Variants in ABCA3 observed in about 807,000 individuals in gnomAD.
ABCA3 encodes the protein phospholipid-transporting ATPase ABCA3.
Under a neutral mutation model 172.8 loss-of-function variants are expected in ABCA3, and 88 were observed. The ratio of observed to expected loss-of-function variants is 0.51; its 90% CI spans 0.43 to 0.61. The LOEUF (loss-of-function observed/expected upper bound fraction) is 0.61. Ranked by LOEUF, ABCA3 falls within the 20% of genes least tolerant of loss-of-function variation. ABCA3 has a pLI of 0.00. For synonymous variants in ABCA3, 1,066 were observed against 983.8 expected, an observed-to-expected ratio of 1.08 and a Z score of -1.56; for missense variants, 2,164 against 2,301.0, an observed-to-expected ratio of 0.94 and a Z score of 1.22.
chr16:2,293,246 T>C (rs1333522640), intron 18 of ABCA3, among the ~76,000 whole-genome samples: 1 of 151,334 alleles, frequency 6.6e-6, no homozygotes, highest in African/African-American at 2.4e-5. Context: ...AGAGATGGGG[T>C]TTCACCGTGT....
Position 2,278,174 on chromosome 16 carries a change from G to A in ABCA3, c.4719-105C>T. On this transcript the variant is annotated intron_variant, in intron 30 of 32. Coordinates refer to ENST00000301732, the MANE Select transcript of ABCA3 (RefSeq NM_001089.3). This position sits in a 1 kb window ranked among gnomAD's most constrained non-coding sequence, Gnocchi z 4.4. ...AGGCTGTTCCTGATACCCATGCTCA[G>A]TGTGGCTCACGGGCAGACTCTGCAC... The A allele has an allele frequency of 5.0e-6, 8 of 1,596,752 alleles. No homozygotes were observed. Among genetic ancestry groups the A allele is most frequent in the Non-Finnish European group, 6.8e-6 (8 of 1,173,460 alleles).
intron 10 of ABCA3, among the ~76,000 whole-genome samples, chr16:2,308,903 C>T (rs150374589): frequency 1.3e-5 from 2 of 152,326 alleles, no homozygotes; most frequent in Non-Finnish European, 2.9e-5. Context: ...TGACACTGCA[C>T]ACCTCACGTG....
At chr16:2,334,258 G>A (rs910592546) in intron 1 of ABCA3, among the ~76,000 whole-genome samples, 2 of 152,164 alleles carry the variant, frequency 1.3e-5, no homozygotes, top group South Asian at 2.1e-4. Context: ...GGGGAGCAGC[G>A]AGTCATTCCG....
At position 2,331,722 on chromosome 16, in the gene ABCA3, C is replaced by T. The variant is rs561393880; in HGVS notation, c.-538-1868G>A. ...GTTCCTTCTGCACTTGACGCCGAGG[C>T]GGCAGAGTCTCCAGAAGTGCTGATG... On this transcript the variant is annotated intron_variant, in intron 1 of 32. Coordinates refer to ENST00000301732, the MANE Select transcript of ABCA3 (RefSeq NM_001089.3). 3.9e-5 allele frequency among the ~76,000 whole-genome samples: 6 copies of T among 152,346 alleles called. No homozygotes were observed. In the South Asian group the frequency reaches 8.3e-4, roughly 21 times the overall value.
intron 5 of ABCA3, among the ~76,000 whole-genome samples, chr16:2,325,801 ACTG>A (rs1165495387): frequency 1.2e-4 from 19 of 152,044 alleles, no homozygotes; most frequent in Admixed American, 9.8e-4. Flanking sequence ...CAAAGGAGAG[ACTG>A]CTATTTACTC....
In ABCA3 at chr16:2,278,887, A is replaced by G. The variant is rs1222251047; in HGVS notation, c.4547+56T>C. ...GAGCGGTCACTCCCAGCTCTATGCT[A>G]TGGGGACCTTGATTCTGACTCCACT... On this transcript the variant is annotated intron_variant, in intron 29 of 32. Coordinates refer to ENST00000301732, the MANE Select transcript of ABCA3 (RefSeq NM_001089.3). The surrounding 1 kb of genome is among the most constrained non-coding windows in gnomAD (Gnocchi z 4.4). 1.9e-6 allele frequency: 3 copies of G among 1,609,346 alleles called. No homozygotes were observed. The highest frequency in any genetic ancestry group is 2.2e-5 in the East Asian group (1 of 44,864).
At chr16:2,328,427 A>T in intron 3 of ABCA3, 26 bp downstream of exon 3, 2 of 476,858 alleles carry the variant, frequency 4.2e-6, no homozygotes, top group Non-Finnish European at 8.4e-6. Flanking sequence ...CATCTCATGA[A>T]CTTCAAGAGT....
chr16:2,284,328 C>T lies in ABCA3; in HGVS notation c.3813G>A (p.Arg1271=), dbSNP rs745518190. The T allele has an allele frequency of 6.2e-7, 1 of 1,613,896 alleles. No individual in the cohort carries two copies. Among genetic ancestry groups the T allele is most frequent in the Admixed American group, 1.7e-5 (1 of 60,022 alleles). Reference sequence around the variant, plus strand: ...CGACCTCGGAGGAGGTGCAGTACCTCCGCGTCTCGTAGTTCTCGTAGAAAC... The same window carrying T: ...CGACCTCGGAGGAGGTGCAGTACCTTCGCGTCTCGTAGTTCTCGTAGAAAC... The part of the protein sequence containing the change: ...VSSFYENYET[R]RYCTSSEVAA... Residue 1271 remains arginine, a synonymous_variant, in exon 25 of 33, where the codon CGG becomes CGA. Transcript: ENST00000301732. The surrounding 1 kb of genome is among the most constrained non-coding windows in gnomAD (Gnocchi z 5.9).
chr16:2,332,380 C>G, intron 1 of ABCA3: 1 of 955,134 alleles, frequency 1.0e-6, no homozygotes, highest in East Asian at 2.4e-5. Context: ...CTCGCAGGGA[C>G]GGGGATCAGC....
Position 2,284,692 on chromosome 16 carries a change from G to A in ABCA3, c.3703+87C>T, listed in dbSNP as rs542390499. The A allele has an allele frequency of 1.5e-4, 219 of 1,435,814 alleles. No homozygotes were observed. Among genetic ancestry groups the A allele is most frequent in the South Asian group, 1.3e-3 (111 of 82,448 alleles). The allele number at this position is 1,435,814 out of a possible 1,614,324, so 88.9% of individuals were successfully genotyped here. A position where few individuals can be genotyped will look rare whatever the true frequency, so the allele number is the denominator to read the frequency against. ...GAACTGGGCCCATTGCCTGAGTCCC[G>A]CCTCGGCTGTGGCTGGTGCCTCCCT... is the stretch of plus-strand genomic sequence containing the variant. On this transcript the variant is annotated intron_variant, in intron 24 of 32. Coordinates refer to ENST00000301732, the MANE Select transcript of ABCA3 (RefSeq NM_001089.3). The surrounding 1 kb of genome is among the most constrained non-coding windows in gnomAD (Gnocchi z 5.9).
chr16:2,295,506 G>A, intron 18 of ABCA3, 84 bp downstream of exon 18: 2 of 1,581,788 alleles, frequency 1.3e-6, no homozygotes, highest in South Asian at 1.1e-5. Context: ...GGCAGAGCAG[G>A]TGCCTCTGAG....
At chr16:2,319,911 TG>T in intron 7 of ABCA3, 71 bp from the exon 8 acceptor site, 1 of 1,592,574 alleles carries the variant, frequency 6.3e-7, no homozygotes, top group South Asian at 1.1e-5. Flanking sequence ...GCCACGTGCA[TG>T]GGGTCCATGG....
Position 2,289,457 on chromosome 16 carries a change from T to G in ABCA3, c.2677A>C (p.Thr893Pro), listed in dbSNP as rs2093668414. Residue 893 changes from threonine (T) to proline (P), a missense_variant, in exon 20 of 33, where the codon ACC becomes CCC. By Grantham distance (38) the Thr-to-Pro change is conservative. Coordinates refer to ENST00000301732, the MANE Select transcript of ABCA3 (RefSeq NM_001089.3). ...GIGALIEEERTAVKLNTGLAL... is the reference protein window; with the variant it reads ...GIGALIEEERPAVKLNTGLAL... Reference sequence around the variant, plus strand: ...ACCCCAGTGTTGAGCTTGACAGCGGTGCGCTCCTCCTCGATGAGGGCTCCA... The same window carrying G: ...ACCCCAGTGTTGAGCTTGACAGCGGGGCGCTCCTCCTCGATGAGGGCTCCA... 1.3e-6 allele frequency: 2 copies of G among 1,490,922 alleles called. No individual in the cohort carries two copies. The highest frequency in any genetic ancestry group is 1.8e-6 in the Non-Finnish European group (2 of 1,110,640). 92.4% of individuals were successfully genotyped at this position (1,490,922 alleles called of 1,614,324 possible). A position where few individuals can be genotyped will look rare whatever the true frequency, so the allele number is the denominator to read the frequency against.
chr16:2,313,960 C>T (rs951839359), intron 10 of ABCA3, among the ~76,000 whole-genome samples: 39 of 151,516 alleles, frequency 2.6e-4, no homozygotes, highest in African/African-American at 8.7e-4. Context: ...ATTAGGATGG[C>T]GACTATAAAA....
chr16:2,316,740 A>G (rs45622933), intron 10 of ABCA3, among the ~76,000 whole-genome samples: 231 of 152,058 alleles, frequency 1.5e-3, no homozygotes, highest in Non-Finnish European at 2.9e-3. Context: ...TTGGAGTTTT[A>G]CCTGGGAGGA....
In ABCA3 at chr16:2,299,466, G is replaced by C; in HGVS notation, c.1678C>G (p.Gln560Glu). ...RDLNLNLYEG[Q>E]ITVLLGHNGA... ...TTGTGGCCCAGCAGGACGGTGATCT[G>C]TCCCTCGTACAGGTTGAGGTTCAGG... The change falls in exon 14 of 33, where the codon CAG (glutamine) becomes GAG (glutamate). Residue 560 changes from glutamine to glutamate, a missense_variant. Transcript: ENST00000301732. 2 of 1,613,922 alleles carry C rather than the reference G, an allele frequency of 1.2e-6. No individual in the cohort carries two copies. Among genetic ancestry groups the C allele is most frequent in the Non-Finnish European group, 1.7e-6 (2 of 1,179,996 alleles).
rs1467410952 is a variant in ABCA3, at chr16:2,299,523, C to T, written c.1621G>A (p.Val541Met). The T allele has an allele frequency of 1.2e-6, 2 of 1,613,458 alleles. No homozygotes were observed. The highest frequency in any genetic ancestry group is 2.2e-5 in the East Asian group (1 of 44,876). Reference protein sequence around the residue: ...KIKHLSKVFRVGNKDRAAVRD... With the variant: ...KIKHLSKVFRMGNKDRAAVRD... Reference sequence around the variant, plus strand: ...ACGGCCGCCCTGTCCTTATTTCCCACCCTGAACACCTGCAGGAAAGGCAGA... The same window carrying T: ...ACGGCCGCCCTGTCCTTATTTCCCATCCTGAACACCTGCAGGAAAGGCAGA... The change falls in exon 14 of 33, where the codon GTG becomes ATG. Residue 541 changes from valine (V) to methionine (M), a missense_variant. Transcript: ENST00000301732.
intron 1 of ABCA3, chr16:2,332,784 G>A: frequency 1.3e-6 from 1 of 757,318 alleles, no homozygotes; most frequent in Admixed American, 2.7e-5. Context: ...GTGCACCATA[G>A]GCTTGAATTT....
rs748087352 is a variant in ABCA3 at position 2,298,447 on chromosome 16, G to A, written c.1835C>T (p.Pro612Leu). 1.7e-5 allele frequency: 27 copies of A among 1,613,978 alleles called. No homozygotes were observed. The highest frequency in any genetic ancestry group is 5.0e-5 in the Admixed American group (3 of 60,000). The change falls in exon 15 of 33, where the codon CCG (proline) becomes CTG (leucine). Residue 612 changes from proline (P) to leucine (L), a missense_variant. Pro to Leu is a moderately conservative substitution (Grantham distance 98). This residue lies in a region of ABCA3 where 1,343 missense variants were observed against 1,369.6 expected (regional missense o/e 0.98). Coordinates refer to ENST00000301732, the MANE Select transcript of ABCA3 (RefSeq NM_001089.3). ...GTTGTCAAACAGGATGTCGTGCTGCGGGCACAGGCCCAGGCTCTTCCGGAT... is the reference window on the plus strand; with the variant it reads ...GTTGTCAAACAGGATGTCGTGCTGCAGGCACAGGCCCAGGCTCTTCCGGAT... ...VQIRKSLGLCPQHDILFDNLT... is the reference protein window; with the variant it reads ...VQIRKSLGLCLQHDILFDNLT...
Sources: gnomAD v4.1 joint callset for allele counts (sites outside exome capture counted in the v4.1 genomes callset) on GRCh38, gnomAD v4.1.1 for gene constraint, gnomAD v4.1.1 regional missense constraint, Gnocchi (gnomAD v3.1) non-coding constraint, MANE v1.5 for transcripts, NCBI Gene and HGNC (gene_info 2026-07-23, HGNC 2026-07-21) for gene names.